Variants in USP22 observed in about 807,000 individuals in gnomAD.
The protein encoded by USP22 is ubiquitin carboxyl-terminal hydrolase 22.
USP22 carries 22 observed loss-of-function variants against 68.1 expected under a neutral mutation model. That is an observed-to-expected ratio of 0.32 (90% CI 0.23 to 0.46). The LOEUF (loss-of-function observed/expected upper bound fraction) is 0.46, where lower values mean the gene tolerates loss of function less well. Ranked by LOEUF, USP22 falls within the 20% of genes least tolerant of loss-of-function variation. USP22 has a pLI of 1.00. For synonymous variants in USP22, 279 were observed against 274.2 expected, an observed-to-expected ratio of 1.02 and a Z score of -0.17; for missense variants, 433 against 695.8, an observed-to-expected ratio of 0.62 and a Z score of 4.25.
chr17:21,033,916 C>T (rs1972323896), intron 1 of USP22, among the ~76,000 whole-genome samples: 1 of 151,916 alleles, frequency 6.6e-6, no homozygotes, highest in South Asian at 2.1e-4. Context: ...GCTCGGCTAA[C>T]TTTTTGTATT....
At chr17:21,036,556 C>A in intron 1 of USP22, among the ~76,000 whole-genome samples, 1 of 144,024 alleles carries the variant, frequency 6.9e-6, no homozygotes, top group Non-Finnish European at 1.5e-5. Context: ...CAAGGGAGTA[C>A]AGGACAATTC....
intron 6 of USP22, 86 bp downstream of exon 6, chr17:21,015,666 T>C (rs1162247314): frequency 1.4e-6 from 2 of 1,462,106 alleles, no homozygotes; most frequent in East Asian, 2.4e-5. Flanking sequence ...TGCCCCTTTT[T>C]GCACGAGTGC....
intron 1 of USP22, among the ~76,000 whole-genome samples, chr17:21,037,648 A>T (rs1466398497): frequency 6.6e-6 from 1 of 152,246 alleles, no homozygotes; most frequent in East Asian, 1.9e-4. Context: ...TGTCTAGAAG[A>T]GCCCAAGAGG....
intron 1 of USP22, among the ~76,000 whole-genome samples, chr17:21,035,827 G>A (rs891706440): frequency 6.6e-6 from 1 of 151,802 alleles, no homozygotes; most frequent in Non-Finnish European, 1.5e-5. Flanking sequence ...TCAGGAGATC[G>A]AGACCATCCT....
In USP22 at chr17:21,028,813, T is replaced by C. The variant is rs1369928061; in HGVS notation, c.172-139A>G. 5.4e-6 allele frequency: 6 copies of C among 1,114,376 alleles called. No individual in the cohort carries two copies. In the East Asian group the frequency reaches 1.1e-4, roughly 20 times the overall value. 69.0% of individuals were successfully genotyped at this position (1,114,376 alleles called of 1,614,324 possible). On this transcript the variant is annotated intron_variant, in intron 1 of 12. Transcript: ENST00000261497. Reference sequence around the variant, plus strand: ...ATTCCATCTTCAAGGCTTACTACTCTAGAGGATCAGTTTAATCCTTTCAGT... The same window carrying C: ...ATTCCATCTTCAAGGCTTACTACTCCAGAGGATCAGTTTAATCCTTTCAGT...
In USP22 at chr17:21,002,937, GC is replaced by G. The variant is rs1913640511; in HGVS notation, c.*93del. On this transcript the variant is annotated 3_prime_UTR_variant, in exon 13 of 13. Coordinates refer to ENST00000261497, the MANE Select transcript of USP22 (RefSeq NM_015276.2). ...GTGGTGTCACCAGGCCGGGGAGGCG[GC>G]GGGAGACTTGGGGGAGGGGGGGGCC... 6.7e-7 allele frequency: 1 copy of G among 1,494,890 alleles called. No homozygotes were observed. Among genetic ancestry groups the G allele is most frequent in the East Asian group, 2.3e-5 (1 of 43,842 alleles). The allele number at this position is 1,494,890 out of a possible 1,614,324, so 92.6% of individuals were successfully genotyped here. A position where few individuals can be genotyped will look rare whatever the true frequency, so the allele number is the denominator to read the frequency against.
intron 5 of USP22, among the ~76,000 whole-genome samples, chr17:21,016,507 C>T (rs893971944): frequency 6.6e-6 from 1 of 152,210 alleles, no homozygotes; most frequent in African/African-American, 2.4e-5. Flanking sequence ...CATCAAAAAA[C>T]CCAAAACCAC....
chr17:21,027,219 T>C, intron 2 of USP22, among the ~76,000 whole-genome samples: 1 of 129,630 alleles, frequency 7.7e-6, no homozygotes, highest in East Asian at 2.2e-4. Context: ...GCCCAGGAGG[T>C]CAAGGCCGCA....
At chr17:21,025,523 C>G (rs1363494527) in intron 2 of USP22, among the ~76,000 whole-genome samples, 2 of 152,180 alleles carry the variant, frequency 1.3e-5, no homozygotes, top group East Asian at 3.8e-4. Flanking sequence ...GAAATGAAAA[C>G]ATGTCCCCCT....
Position 21,042,832 on chromosome 17 carries a change from CCATGGGGGGCAAGGCCCGGCCGCG to C in USP22, c.-21_3del. ...TCGCCCTCGGGCTCTGGCCGGGACA[CCATGGGGGGCAAGGCCCGGCCGCG>C]CGCGGGGGGCGGCGGCGAGGGAGGC... is the stretch of plus-strand genomic sequence containing the variant. On this transcript the variant is annotated start_lost and 5_prime_UTR_variant, in exon 1 of 13. Coordinates refer to ENST00000261497, the MANE Select transcript of USP22 (RefSeq NM_015276.2). The C allele has an allele frequency of 7.4e-7, 1 of 1,348,324 alleles. No homozygotes were observed. The highest frequency in any genetic ancestry group is 3.1e-5 in the East Asian group (1 of 32,504). 83.5% of individuals were successfully genotyped at this position (1,348,324 alleles called of 1,614,324 possible).
In USP22 at chr17:21,042,784, C is replaced by T; in HGVS notation, c.52G>A (p.Val18Ile). 2 of 1,488,822 alleles carry T rather than the reference C, an allele frequency of 1.3e-6. No individual in the cohort carries two copies. The highest frequency in any genetic ancestry group is 1.8e-6 in the Non-Finnish European group (2 of 1,120,978). 92.2% of individuals were successfully genotyped at this position (1,488,822 alleles called of 1,614,324 possible). ...AGGTGCGAGCAGCCCGGCGGCGCTA[C>T]CGCCAGCTCGGCGTCCATGGCCTCG... ...EGEAMDAELA[V>I]APPGCSHLGS... is the part of the protein sequence containing the mutation. The change falls in exon 1 of 13, where the codon GTA becomes ATA. Residue 18 changes from valine to isoleucine, a missense_variant. Physicochemically the swap from Val to Ile is conservative, Grantham distance 29 (BLOSUM62 3). This residue lies in a region of USP22 where 110 missense variants were observed against 89.9 expected (regional missense o/e 1.22). Coordinates refer to ENST00000261497, the MANE Select transcript of USP22 (RefSeq NM_015276.2).
rs777867537 is a variant in USP22, at chr17:21,019,072, C to T, written c.520+12G>A. On this transcript the variant is annotated intron_variant, in intron 4 of 12. Transcript: ENST00000261497. The stretch of plus-strand genomic sequence containing the variant: ...AGAAGCCTAGCTGAGAGTGACGACA[C>T]GCTCCACCCACCTATGGTGCAGTTC... 39 of 1,613,468 alleles carry T rather than the reference C, an allele frequency of 2.4e-5. No individual in the cohort carries two copies. Among genetic ancestry groups the T allele is most frequent in the African/African-American group, 5.3e-5 (4 of 74,928 alleles).
At chr17:21,019,222 T>C (rs964495147) in intron 3 of USP22, 37 bp from the exon 4 acceptor site, 9 of 1,594,482 alleles carry the variant, frequency 5.6e-6, no homozygotes, top group Admixed American at 1.7e-5. Flanking sequence ...CGCTATTAGC[T>C]AGATTTTCAC....
At chr17:21,026,291 A>G (rs1016788945) in intron 2 of USP22, among the ~76,000 whole-genome samples, 1 of 152,176 alleles carries the variant, frequency 6.6e-6, no homozygotes, top group African/African-American at 2.4e-5. Flanking sequence ...AACACATCAT[A>G]GAAGATACAG....
chr17:21,030,436 A>C (rs1484449300), intron 1 of USP22, among the ~76,000 whole-genome samples: 1 of 152,116 alleles, frequency 6.6e-6, no homozygotes, highest in Non-Finnish European at 1.5e-5. Flanking sequence ...TTGTGTATTG[A>C]GGCAATAGAT....
chr17:21,004,465 T>C, intron 11 of USP22, 114 bp from the exon 12 acceptor site: 2 of 1,338,932 alleles, frequency 1.5e-6, no homozygotes, highest in Non-Finnish European at 2.1e-6. Context: ...TGTGGGCCTG[T>C]CAACCCCCAG....
chr17:21,004,485 C>A lies in USP22; in HGVS notation c.1386-134G>T, dbSNP rs920887833. ...GCCTGTCAACCCCCAGGGCCTCAGG[C>A]TGATGCACAGGAGGCTGCAGGAACT... is the stretch of plus-strand genomic sequence containing the variant. On this transcript the variant is annotated intron_variant, in intron 11 of 12. Coordinates refer to ENST00000261497, the MANE Select transcript of USP22 (RefSeq NM_015276.2). 3.5e-6 allele frequency: 4 copies of A among 1,141,656 alleles called. No homozygotes were observed. In the South Asian group the frequency reaches 4.5e-5, roughly 13 times the overall value. The allele number at this position is 1,141,656 out of a possible 1,614,324, so 70.7% of individuals were successfully genotyped here. A position where few individuals can be genotyped will look rare whatever the true frequency, so the allele number is the denominator to read the frequency against.
At position 21,002,455 on chromosome 17, in the gene USP22, G is replaced by C. The variant is rs938959136; in HGVS notation, c.*576C>G. On this transcript the variant is annotated 3_prime_UTR_variant, in exon 13 of 13. Coordinates refer to ENST00000261497, the MANE Select transcript of USP22 (RefSeq NM_015276.2). ...GCTTGATGCTGTTACCTGCAGAACAGACACGCTTGAAAACGCGACGTAGTG... is the reference window on the plus strand; with the variant it reads ...GCTTGATGCTGTTACCTGCAGAACACACACGCTTGAAAACGCGACGTAGTG... 2.0e-5 allele frequency: 3 copies of C among 152,998 alleles called. No homozygotes were observed. The East Asian group carries it at 5.8e-4, about 29-fold the overall frequency. 9.5% of individuals were successfully genotyped at this position (152,998 alleles called of 1,614,324 possible).
chr17:21,000,985 G>C lies in USP22; in HGVS notation c.*2046C>G, dbSNP rs1480847228. ...GAACTGCTTGAACCCAGGAGGTGGA[G>C]GTTGCAGTGAGCCGAGACTGTGCCA... On this transcript the variant is annotated 3_prime_UTR_variant, in exon 13 of 13. Transcript: ENST00000261497. The C allele has an allele frequency of 6.8e-6, 1 of 147,028 alleles. No individual in the cohort carries two copies. The highest frequency in any genetic ancestry group is 2.5e-5 in the African/African-American group (1 of 39,722). 9.1% of individuals were successfully genotyped at this position (147,028 alleles called of 1,614,324 possible).
Sources: allele counts gnomAD v4.1 joint callset (sites outside exome capture counted in the v4.1 genomes callset), GRCh38; gene constraint gnomAD v4.1.1; regional missense constraint gnomAD v4.1.1; transcripts MANE v1.5; gene names NCBI Gene and HGNC (gene_info 2026-07-23, HGNC 2026-07-21).